Variants in SNX13 observed in about 807,000 individuals in gnomAD.
The protein encoded by SNX13 is sorting nexin 13.
SNX13 carries 45 observed loss-of-function variants against 133.6 expected under a neutral mutation model. That is an observed-to-expected ratio of 0.34 (90% CI 0.27 to 0.43). The LOEUF is 0.43. SNX13 is among the 20% of genes least tolerant of loss of function. SNX13 has a pLI of 1.00. For missense variants in SNX13, 1,032 were observed against 1,145.1 expected (o/e 0.90, Z 1.43); for synonymous variants, 414 against 373.9 (o/e 1.11, Z -1.24).
chr7:17,876,914 C>T (rs560692353), intron 5 of SNX13, among the ~76,000 whole-genome samples: 4 of 150,382 alleles, frequency 2.7e-5, no homozygotes, highest in African/African-American at 4.9e-5. Context: ...AGATAGAAAA[C>T]GAAGAGTCTA....
chr7:17,877,097 A>G (rs976486205), intron 5 of SNX13, among the ~76,000 whole-genome samples: 1 of 151,632 alleles, frequency 6.6e-6, no homozygotes, highest in Non-Finnish European at 1.5e-5. Flanking sequence ...GATGTTGAAA[A>G]ATAAATGGCT....
At chr7:17,801,163 T>C (rs939800600) in intron 22 of SNX13, among the ~76,000 whole-genome samples, 2 of 151,006 alleles carry the variant, frequency 1.3e-5, no homozygotes, top group Non-Finnish European at 3.0e-5. Flanking sequence ...ACAAATAGAT[T>C]GTACTATATT....
At chr7:17,925,533 T>A (rs769331898) in intron 1 of SNX13, among the ~76,000 whole-genome samples, 1 of 151,974 alleles carries the variant, frequency 6.6e-6, no homozygotes, top group East Asian at 1.9e-4. Flanking sequence ...CAAAACAGAT[T>A]CAAGATAAAA....
At position 17,807,079 on chromosome 7, in the gene SNX13, A is replaced by G. The variant is rs191089719; in HGVS notation, c.2065-3499T>C. Among the ~76,000 whole-genome samples, 36 of 152,182 alleles carry G rather than the reference A, an allele frequency of 2.4e-4. No homozygotes were observed. In the East Asian group the frequency reaches 7.0e-3, roughly 29 times the overall value. ...TGCAGGAGTTTTTTTCATACCCCAG[A>G]GGTGCCTGGAATGCCACCGACACAG... On this transcript the variant is annotated intron_variant, in intron 20 of 25. Coordinates refer to ENST00000428135, the MANE Select transcript of SNX13 (RefSeq NM_015132.5).
chr7:17,940,164 G>A, intron 1 of SNX13, 120 bp downstream of exon 1: 1 of 1,340,864 alleles, frequency 7.5e-7, no homozygotes, highest in Non-Finnish European at 1.0e-6. Context: ...CTGCTCCTCG[G>A]GCCCTGGAGC....
intron 1 of SNX13, among the ~76,000 whole-genome samples, chr7:17,902,906 TC>T (rs1797990726): frequency 6.6e-6 from 1 of 152,078 alleles, no homozygotes. Context: ...ATGTGAGGGC[TC>T]TAGGTTGAGT....
intron 5 of SNX13, among the ~76,000 whole-genome samples, chr7:17,876,454 C>T (rs536869802): frequency 2.0e-5 from 3 of 152,048 alleles, no homozygotes; most frequent in East Asian, 3.9e-4. Flanking sequence ...GTGGCATGCA[C>T]CTATAGTCCC....
chr7:17,831,784 A>G (rs1373511399), intron 15 of SNX13: 1 of 983,612 alleles, frequency 1.0e-6, no homozygotes, highest in East Asian at 1.1e-4. Flanking sequence ...CTAATTTATA[A>G]CAAAAAAAGT....
chr7:17,838,004 GA>G (rs1789352158), intron 13 of SNX13, among the ~76,000 whole-genome samples: 1 of 151,690 alleles, frequency 6.6e-6, no homozygotes, highest in Admixed American at 6.6e-5. Context: ...CAATTTTAGC[GA>G]AACAGTATAT....
intron 3 of SNX13, among the ~76,000 whole-genome samples, chr7:17,892,669 C>T (rs1392758309): frequency 6.6e-6 from 1 of 152,038 alleles, no homozygotes; most frequent in African/African-American, 2.4e-5. Context: ...ACTTCTACAT[C>T]TCCTGCACCT....
At chr7:17,898,317 A>G (rs888948619) in intron 1 of SNX13, 2 of 152,232 alleles carry the variant, frequency 1.3e-5, no homozygotes, top group African/African-American at 4.8e-5. Context: ...GAATGAAACA[A>G]TTAGATACTG....
chr7:17,937,571 A>G (rs1459195202), intron 1 of SNX13, among the ~76,000 whole-genome samples: 3 of 152,010 alleles, frequency 2.0e-5, no homozygotes, highest in Admixed American at 6.6e-5. Flanking sequence ...GAAAAGTTTC[A>G]TATGAACACT....
At chr7:17,860,468 A>C (rs1792532795) in intron 9 of SNX13, among the ~76,000 whole-genome samples, 1 of 152,090 alleles carries the variant, frequency 6.6e-6, no homozygotes, top group African/African-American at 2.4e-5. Context: ...TTTGCTGGGC[A>C]GTTTTTTAGT....
chr7:17,816,667 A>AAAC (rs111526779), intron 18 of SNX13, among the ~76,000 whole-genome samples: 6,736 of 152,148 alleles, frequency 0.044, 196 homozygotes, highest in African/African-American at 0.081. Flanking sequence ...CCGTCTCAAA[A>AAAC]AACAACAACA....
chr7:17,805,163 A>C (rs1240795549), intron 20 of SNX13, among the ~76,000 whole-genome samples: 1 of 152,022 alleles, frequency 6.6e-6, no homozygotes, highest in Admixed American at 6.5e-5. Context: ...GGAGAGAAAC[A>C]TAAAGATAAA....
chr7:17,875,682 A>T lies in SNX13; in HGVS notation c.549T>A (p.Asp183Glu). The T allele has an allele frequency of 6.2e-7, 1 of 1,609,906 alleles. No homozygotes were observed. The highest frequency in any genetic ancestry group is 8.5e-7 in the Non-Finnish European group (1 of 1,177,584). Residue 183 changes from aspartate to glutamate, a missense_variant, in exon 6 of 26, where the codon GAT becomes GAA. Physicochemically the swap from Asp to Glu is conservative, Grantham distance 45. Coordinates refer to ENST00000428135, the MANE Select transcript of SNX13 (RefSeq NM_015132.5). ...TAAAGATATTACCTTTCACTTGATC[A>T]TCTTTCTCTGTTATTTTCTGTTGAG... ...RKAQQKITEK[D>E]DQVKGTAEDL... is the part of the protein sequence containing the mutation.
intron 9 of SNX13, among the ~76,000 whole-genome samples, chr7:17,861,863 C>T (rs142647518): frequency 5.9e-5 from 9 of 152,166 alleles, no homozygotes; most frequent in African/African-American, 2.2e-4. Flanking sequence ...TTCCAGTGTA[C>T]TTTCCTTTCT....
chr7:17,832,097 C>G, intron 15 of SNX13: 1 of 982,906 alleles, frequency 1.0e-6, no homozygotes, highest in Non-Finnish European at 1.2e-6. Context: ...AAACTACAAT[C>G]AATGATTCAA....
intron 8 of SNX13, among the ~76,000 whole-genome samples, chr7:17,872,536 T>C (rs80100594): frequency 0.018 from 2,680 of 152,270 alleles, 84 homozygotes; most frequent in African/African-American, 0.062. Flanking sequence ...GCCCAAATAA[T>C]TGGCCTTAAC....
Sources: allele counts gnomAD v4.1 joint callset (sites outside exome capture counted in the v4.1 genomes callset), GRCh38; gene constraint gnomAD v4.1.1; transcripts MANE v1.5; gene names NCBI Gene and HGNC (gene_info 2026-07-23, HGNC 2026-07-21).